The following BBS9 variants were observed in gnomAD, a reference collection of about 807,000 sequenced individuals.
The protein encoded by BBS9 is Bardet-Biedl syndrome 9.
In BBS9, 89 loss-of-function variants were observed where a neutral mutation model predicts 117.7. The observed-to-expected ratio is 0.76, with a 90% confidence interval of 0.64 to 0.90. BBS9 has a LOEUF of 0.90. BBS9 is among the 40% of genes least tolerant of loss of function. The pLI is 0.00. For synonymous variants in BBS9, 379 were observed against 370.9 expected, an observed-to-expected ratio of 1.02 and a Z score of -0.25; for missense variants, 982 against 1,042.2, an observed-to-expected ratio of 0.94 and a Z score of 0.80.
intron 5 of BBS9, among the ~76,000 whole-genome samples, chr7:33,231,581 A>G (rs1158033932): frequency 1.3e-5 from 2 of 151,760 alleles, no homozygotes; most frequent in Non-Finnish European, 2.9e-5. Flanking sequence ...TTATGGTTCC[A>G]TATAAACTTT....
chr7:33,536,721 T>A (rs1851491329), intron 21 of BBS9, among the ~76,000 whole-genome samples: 1 of 7,946 alleles, frequency 1.3e-4, no homozygotes, highest in Middle Eastern at 0.1. Context: ...CTTAAATTGG[T>A]CTAGCAGTGT....
At chr7:33,250,110 T>A (rs1583876003) in intron 5 of BBS9, among the ~76,000 whole-genome samples, 1 of 152,222 alleles carries the variant, frequency 6.6e-6, no homozygotes, top group South Asian at 2.1e-4. Flanking sequence ...AGGGTTTCAG[T>A]GTGTTATAAT....
chr7:33,390,981 T>C (rs1289145854), intron 19 of BBS9, among the ~76,000 whole-genome samples: 1 of 152,222 alleles, frequency 6.6e-6, no homozygotes, highest in Non-Finnish European at 1.5e-5. Context: ...AATGGTTACA[T>C]AATAGTTTAT....
chr7:33,210,089 G>A (rs1391503511), intron 5 of BBS9, among the ~76,000 whole-genome samples: 2 of 152,020 alleles, frequency 1.3e-5, no homozygotes, highest in Non-Finnish European at 2.9e-5. Context: ...GGTACATTAT[G>A]TTTCCATTTT....
chr7:33,314,758 G>A (rs561959370), intron 9 of BBS9, among the ~76,000 whole-genome samples: 6 of 152,206 alleles, frequency 3.9e-5, no homozygotes, highest in East Asian at 1.9e-4. Context: ...TTGAGAGAGC[G>A]TACAGTCTAT....
intron 19 of BBS9, among the ~76,000 whole-genome samples, chr7:33,426,125 G>A (rs1304264265): frequency 6.6e-6 from 1 of 152,130 alleles, no homozygotes; most frequent in Non-Finnish European, 1.5e-5. Context: ...ATTAGAGAAG[G>A]AAAAATCACT....
chr7:33,182,855 C>G (rs908611213), intron 5 of BBS9, among the ~76,000 whole-genome samples: 1 of 152,096 alleles, frequency 6.6e-6, no homozygotes, highest in South Asian at 2.1e-4. Flanking sequence ...CGAAACAGAT[C>G]CCCCAAAATT....
intron 3 of BBS9, 42 bp downstream of exon 3, chr7:33,152,893 T>C: frequency 6.3e-7 from 1 of 1,594,662 alleles, no homozygotes. Context: ...TTGGAGTATG[T>C]CAATCCTTTA....
At chr7:33,465,647 T>C (rs12334272) in intron 19 of BBS9, among the ~76,000 whole-genome samples, 1 of 152,154 alleles carries the variant, frequency 6.6e-6, no homozygotes, top group Non-Finnish European at 1.5e-5. Flanking sequence ...TCCTTGGACA[T>C]GTTACTGCCT....
At chr7:33,500,977 A>G (rs1471531392) in intron 19 of BBS9, among the ~76,000 whole-genome samples, 1 of 152,182 alleles carries the variant, frequency 6.6e-6, no homozygotes, top group Non-Finnish European at 1.5e-5. Context: ...TGAAAAAACA[A>G]AACAAAGGCC....
chr7:33,420,737 A>G (rs1832737706), intron 19 of BBS9, among the ~76,000 whole-genome samples: 4 of 152,210 alleles, frequency 2.6e-5, no homozygotes, highest in Admixed American at 6.5e-5. Flanking sequence ...TAAAGTCAAA[A>G]GAAGCGGTCA....
intron 19 of BBS9, among the ~76,000 whole-genome samples, chr7:33,439,352 T>C (rs1285385088): frequency 5.9e-5 from 9 of 152,342 alleles, no homozygotes; most frequent in African/African-American, 2.2e-4. Flanking sequence ...CTCTGAGTTT[T>C]AAAGAATTCC....
chr7:33,309,240 G>A (rs749497054), intron 9 of BBS9, among the ~76,000 whole-genome samples: 2 of 152,178 alleles, frequency 1.3e-5, no homozygotes, highest in Non-Finnish European at 2.9e-5. Context: ...ATATGCAATA[G>A]GATTGAGAAT....
chr7:33,303,375 G>A (rs1389136104), intron 9 of BBS9, among the ~76,000 whole-genome samples: 3 of 152,092 alleles, frequency 2.0e-5, no homozygotes, highest in South Asian at 4.1e-4. Flanking sequence ...TCCCTATTCA[G>A]TATGAAACTA....
intron 17 of BBS9, among the ~76,000 whole-genome samples, chr7:33,379,544 T>G (rs1441918552): frequency 6.6e-6 from 1 of 152,218 alleles, no homozygotes; most frequent in Non-Finnish European, 1.5e-5. Context: ...AAATTAGCAC[T>G]GTGAAATTTC....
chr7:33,313,858 A>T (rs942903185), intron 9 of BBS9, among the ~76,000 whole-genome samples: 7 of 152,334 alleles, frequency 4.6e-5, no homozygotes, highest in East Asian at 3.9e-4. Context: ...AAAATTATTT[A>T]AAAATGTCTA....
chr7:33,565,781 GTATATATATATATATATATATA>G lies in BBS9; in HGVS notation c.2521+31630_2521+31651del, dbSNP rs70989957. Among the ~76,000 whole-genome samples, 185 of 65,672 alleles carry G rather than the reference GTATATATATATATATATATATA, an allele frequency of 2.8e-3. 3 individuals are homozygous for G. The highest frequency in any genetic ancestry group is 3.8e-3 in the South Asian group (6 of 1,562). 43.1% of individuals were successfully genotyped at this position (65,672 alleles called of 152,430 possible). A position where few individuals can be genotyped will look rare whatever the true frequency, so the allele number is the denominator to read the frequency against. On this transcript the variant is annotated intron_variant, in intron 21 of 22. Coordinates refer to ENST00000242067, the MANE Select transcript of BBS9 (RefSeq NM_198428.3). ...ATACAAAACATTAAGGCTATCAGTA[GTATATATATATATATATATATA>G]TATATATATATATATATATATATAC...
At chr7:33,530,974 G>T (rs1294064914) in intron 20 of BBS9, among the ~76,000 whole-genome samples, 5 of 152,104 alleles carry the variant, frequency 3.3e-5, no homozygotes, top group Non-Finnish European at 7.3e-5. Context: ...GCCAGACATG[G>T]TGGCTCATGC....
At chr7:33,233,572 T>C (rs1792895107) in intron 5 of BBS9, among the ~76,000 whole-genome samples, 1 of 152,172 alleles carries the variant, frequency 6.6e-6, no homozygotes, top group Non-Finnish European at 1.5e-5. Flanking sequence ...TCAAGCATTT[T>C]TTTTCTTATA....
Sources: gnomAD v4.1 joint callset for allele counts (sites outside exome capture counted in the v4.1 genomes callset) on GRCh38, gnomAD v4.1.1 for gene constraint, MANE v1.5 for transcripts, NCBI Gene and HGNC (gene_info 2026-07-23, HGNC 2026-07-21) for gene names.